GALNT13: variants seen among roughly 807,000 people sequenced by gnomAD.
GALNT13 encodes UDP-GalNAc:polypeptide N-acetylgalactosaminyltransferase 13.
GALNT13 carries 28 observed loss-of-function variants against 64.2 expected under a neutral mutation model. That is an observed-to-expected ratio of 0.44 (90% CI 0.32 to 0.60). The LOEUF (loss-of-function observed/expected upper bound fraction) is 0.60, where lower values mean the gene tolerates loss of function less well. Among genes scored for constraint, GALNT13 ranks in the 20% least tolerant of loss-of-function variants. GALNT13 has a pLI of 0.05. For missense variants in GALNT13, 577 were observed against 669.8 expected, an observed-to-expected ratio of 0.86 and a Z score of 1.53; for synonymous variants, 214 against 224.6, an observed-to-expected ratio of 0.95 and a Z score of 0.42.
Position 153,944,678 on chromosome 2 carries a change from G to A in GALNT13, c.142+39G>A, listed in dbSNP as rs759430075. 7.8e-6 allele frequency: 12 copies of A among 1,535,024 alleles called. No homozygotes were observed. In the East Asian group the frequency reaches 2.8e-4, roughly 35 times the overall value. On this transcript the variant is annotated intron_variant, in intron 3 of 12. Coordinates refer to ENST00000392825, the MANE Select transcript of GALNT13 (RefSeq NM_052917.4). ...AAGCAAATACTGTCTTTATAGAGATGAGAAAAGTGGTGCCTTGACAAAATG... is the reference window on the plus strand; with the variant it reads ...AAGCAAATACTGTCTTTATAGAGATAAGAAAAGTGGTGCCTTGACAAAATG...
At chr2:153,854,203 A>C in the GALNT13 span, among the ~76,000 whole-genome samples, 25 of 152,008 alleles carry the variant, frequency 1.6e-4, no homozygotes, top group Admixed American at 9.2e-4. Flanking sequence ...GTTGCCAGAT[A>C]CAAAAGTTCA....
intron 7 of GALNT13, among the ~76,000 whole-genome samples, chr2:154,253,983 A>G (rs1690229025): frequency 6.6e-6 from 1 of 152,196 alleles, no homozygotes; most frequent in South Asian, 2.1e-4. Context: ...CTTGAGATAC[A>G]CAGTGATAAG....
chr2:153,994,679 A>T (rs1246493143), intron 3 of GALNT13, among the ~76,000 whole-genome samples: 1 of 152,010 alleles, frequency 6.6e-6, no homozygotes, highest in East Asian at 1.9e-4. Flanking sequence ...GATGATGAGC[A>T]TTTTTTGATG....
intron 3 of GALNT13, among the ~76,000 whole-genome samples, chr2:154,059,683 A>G (rs369056791): frequency 6.6e-6 from 1 of 151,954 alleles, no homozygotes; most frequent in Admixed American, 6.6e-5. Context: ...CAGTTCTACT[A>G]ATAGTTGGAT....
In GALNT13 at chr2:154,043,411, C is replaced by CGT. The variant is rs34084904; in HGVS notation, c.143-96926_143-96925insGT. Among the ~76,000 whole-genome samples the CGT allele has an allele frequency of 1.5e-3, 110 of 73,178 alleles. 1 individual carries two copies. The highest frequency in any genetic ancestry group is 4.1e-3 in the African/African-American group (75 of 18,430). The allele number at this position is 73,178 out of a possible 152,430, so 48.0% of individuals were successfully genotyped here. A position where few individuals can be genotyped will look rare whatever the true frequency, so the allele number is the denominator to read the frequency against. ...TCTTCTGTCAACACTACTATAAGGA[C>CGT]TTTTATATATATATATATATATATA... On this transcript the variant is annotated intron_variant, in intron 3 of 12. Transcript: ENST00000392825.
chr2:153,955,339 A>T (rs1269958259), intron 3 of GALNT13, among the ~76,000 whole-genome samples: 1 of 152,220 alleles, frequency 6.6e-6, no homozygotes, highest in Non-Finnish European at 1.5e-5. Flanking sequence ...CACCAAATAA[A>T]CTTGAATAAG....
the GALNT13 span, among the ~76,000 whole-genome samples, chr2:153,673,660 CCT>C: frequency 6.6e-6 from 1 of 152,114 alleles, no homozygotes; most frequent in African/African-American, 2.4e-5. Context: ...ACAAGGATGC[CCT>C]CTCTCACCAC....
chr2:154,442,104 C>T (rs1304544099), intron 12 of GALNT13, among the ~76,000 whole-genome samples: 1 of 151,992 alleles, frequency 6.6e-6, no homozygotes, highest in East Asian at 1.9e-4. Context: ...AATGGAATAG[C>T]TAAATGCTAT....
At chr2:153,618,577 T>G in the GALNT13 span, among the ~76,000 whole-genome samples, 1 of 151,982 alleles carries the variant, frequency 6.6e-6, no homozygotes, top group African/African-American at 2.4e-5. Flanking sequence ...GCATATTTGT[T>G]GATTTTCTGT....
chr2:153,418,515 T>C, the GALNT13 span, among the ~76,000 whole-genome samples: 59 of 152,094 alleles, frequency 3.9e-4, no homozygotes, highest in Non-Finnish European at 1.8e-4. Flanking sequence ...TGAGGAAGTG[T>C]TTCAAGAAGG....
At chr2:153,874,269 C>A (rs1022455646) in intron 1 of GALNT13, among the ~76,000 whole-genome samples, 1 of 151,888 alleles carries the variant, frequency 6.6e-6, no homozygotes, top group African/African-American at 2.4e-5. Context: ...TTGCCATAAA[C>A]CAGGATTTCA....
chr2:154,121,889 A>G (rs1681964956), intron 3 of GALNT13, among the ~76,000 whole-genome samples: 1 of 152,076 alleles, frequency 6.6e-6, no homozygotes, highest in South Asian at 2.1e-4. Flanking sequence ...AATGTTGACT[A>G]GAAGTGGTAG....
intron 3 of GALNT13, among the ~76,000 whole-genome samples, chr2:154,035,088 A>G (rs1037674568): frequency 6.6e-6 from 1 of 152,132 alleles, no homozygotes; most frequent in African/African-American, 2.4e-5. Flanking sequence ...TTATCACAGC[A>G]CTATTCACAA....
chr2:153,869,504 G>T (rs1685814493), upstream of GALNT13, among the ~76,000 whole-genome samples: 1 of 151,958 alleles, frequency 6.6e-6, no homozygotes, highest in Non-Finnish European at 1.5e-5. Flanking sequence ...TTAATTTAAG[G>T]CTTTCTTTGC....
the GALNT13 span, among the ~76,000 whole-genome samples, chr2:153,533,178 T>C: frequency 6.6e-6 from 1 of 152,212 alleles, no homozygotes; most frequent in Non-Finnish European, 1.5e-5. Context: ...TTTTCTGTAA[T>C]TTGAAAGGGG....
At chr2:153,951,824 A>C (rs904158330) in intron 3 of GALNT13, among the ~76,000 whole-genome samples, 2 of 152,152 alleles carry the variant, frequency 1.3e-5, no homozygotes, top group African/African-American at 4.8e-5. Flanking sequence ...CCTTTTATTA[A>C]AGTGAAGTTT....
chr2:153,345,635 T>TC, the GALNT13 span, among the ~76,000 whole-genome samples: 2 of 68,806 alleles, frequency 2.9e-5, no homozygotes, highest in Non-Finnish European at 6.0e-5. Context: ...TTTCCTTTCT[T>TC]TTTCTTTCTT....
chr2:153,897,300 T>TA (rs1367527432), intron 1 of GALNT13, among the ~76,000 whole-genome samples: 2 of 152,176 alleles, frequency 1.3e-5, no homozygotes, highest in African/African-American at 4.8e-5. Context: ...TTCCTCAGTC[T>TA]AATTACTTGG....
the GALNT13 span, among the ~76,000 whole-genome samples, chr2:153,610,265 AG>A: frequency 6.6e-6 from 1 of 152,236 alleles, no homozygotes; most frequent in Middle Eastern, 3.2e-3. Flanking sequence ...GAGAAAACAA[AG>A]CAAAAGCTTC....
Sources: gnomAD v4.1 joint callset for allele counts (sites outside exome capture counted in the v4.1 genomes callset) on GRCh38, gnomAD v4.1.1 for gene constraint, MANE v1.5 for transcripts, NCBI Gene and HGNC (gene_info 2026-07-23, HGNC 2026-07-21) for gene names.